Variants in RELN observed in about 807,000 individuals in gnomAD.
RELN encodes reelin.
In RELN, 108 loss-of-function variants were observed where a neutral mutation model predicts 427.6. The ratio of observed to expected loss-of-function variants is 0.25; its 90% CI spans 0.22 to 0.30. The LOEUF is 0.30. Ranked by LOEUF, RELN falls within the 10% of genes least tolerant of loss-of-function variation. The pLI is 1.00. For missense variants in RELN, 3,715 were observed against 4,302.8 expected, an observed-to-expected ratio of 0.86 and a Z score of 3.82; for synonymous variants, 1,524 against 1,513.4, an observed-to-expected ratio of 1.01 and a Z score of -0.16.
At chr7:103,740,960 C>T (rs1450440285) in intron 6 of RELN, among the ~76,000 whole-genome samples, 2 of 152,098 alleles carry the variant, frequency 1.3e-5, no homozygotes, top group East Asian at 1.9e-4. Context: ...ATGCAGCATA[C>T]CCAGGCACTT....
chr7:103,634,804 T>C (rs1220604100), intron 19 of RELN, among the ~76,000 whole-genome samples: 1 of 152,110 alleles, frequency 6.6e-6, no homozygotes, highest in Non-Finnish European at 1.5e-5. Flanking sequence ...AGTGCCATAT[T>C]CTATTCCTGT....
intron 2 of RELN, among the ~76,000 whole-genome samples, chr7:103,888,247 AT>A (rs200280801): frequency 0.26 from 14,038 of 54,612 alleles, 689 homozygotes; most frequent in Non-Finnish European, 0.28. Flanking sequence ...AAAAAAAAAT[AT>A]ATATATATAT....
At chr7:103,806,828 T>G (rs1792612228) in intron 3 of RELN, among the ~76,000 whole-genome samples, 1 of 152,180 alleles carries the variant, frequency 6.6e-6, no homozygotes. Context: ...TCAAGATAGA[T>G]GAAGCCAGGA....
chr7:103,899,215 A>G (rs1795028155), intron 2 of RELN, among the ~76,000 whole-genome samples: 1 of 152,172 alleles, frequency 6.6e-6, no homozygotes, highest in East Asian at 1.9e-4. Context: ...ATTCCTGGAC[A>G]CAAACACCCT....
At chr7:103,930,403 A>T (rs1200634254) in intron 1 of RELN, among the ~76,000 whole-genome samples, 2 of 141,516 alleles carry the variant, frequency 1.4e-5, no homozygotes, top group African/African-American at 5.1e-5. Flanking sequence ...GGACTTCAAT[A>T]TATGAATGGC....
chr7:103,716,201 C>T (rs1789935134), intron 8 of RELN, among the ~76,000 whole-genome samples: 1 of 152,136 alleles, frequency 6.6e-6, no homozygotes, highest in African/African-American at 2.4e-5. Context: ...ATAATGAAGT[C>T]CTCCCTCCAG....
chr7:103,587,046 T>C (rs974147041), intron 28 of RELN, among the ~76,000 whole-genome samples: 4 of 152,182 alleles, frequency 2.6e-5, no homozygotes, highest in African/African-American at 9.6e-5. Context: ...AAAATTCACA[T>C]AGAATCAAAA....
At chr7:103,904,106 T>C (rs1199361978) in intron 2 of RELN, among the ~76,000 whole-genome samples, 1 of 152,100 alleles carries the variant, frequency 6.6e-6, no homozygotes, top group Non-Finnish European at 1.5e-5. Context: ...ACATGCAGTG[T>C]TTGGTTTTCT....
chr7:103,486,343 G>A lies in RELN; in HGVS notation c.9837C>T (p.Thr3279=), dbSNP rs202224350. 1.5e-5 allele frequency: 24 copies of A among 1,614,050 alleles called. No individual in the cohort carries two copies. Among genetic ancestry groups the A allele is most frequent in the Middle Eastern group, 1.7e-4 (1 of 6,060 alleles). ...IKDNFESARV[T]EANWETIQGG... ...CTTGAATGGTCTCCCAGTTTGCCTC[G>A]GTGACTCTTGCGGACTCAAAATTAT... Residue 3279 remains threonine (T), a synonymous_variant, in exon 61 of 65, where the codon ACC becomes ACT. Coordinates refer to ENST00000428762, the MANE Select transcript of RELN (RefSeq NM_005045.4).
chr7:103,726,071 T>C (rs1295612609), intron 7 of RELN, among the ~76,000 whole-genome samples: 4 of 152,212 alleles, frequency 2.6e-5, no homozygotes, highest in African/African-American at 9.6e-5. Context: ...TTTCATTAGT[T>C]CTCATGCACA....
chr7:103,989,615 TGCGCCGCCGCCGC>T lies in RELN; in HGVS notation c.-272_-260del. 1 of 313,330 alleles carries T rather than the reference TGCGCCGCCGCCGC, an allele frequency of 3.2e-6. No homozygotes were observed. The highest frequency in any genetic ancestry group is 5.6e-6 in the Non-Finnish European group (1 of 178,852). The allele number at this position is 313,330 out of a possible 1,614,324, so 19.4% of individuals were successfully genotyped here. On this transcript the variant is annotated 5_prime_UTR_variant, in exon 1 of 65. Transcript: ENST00000428762. This position sits in a 1 kb window ranked among gnomAD's most constrained non-coding sequence, Gnocchi z 4.9. ...GAGAGCGCGTCGTCTGCCGCCTCCG[TGCGCCGCCGCCGC>T]CTCTGCGCGACGCCCCTCGGCCAGG... is the stretch of plus-strand genomic sequence containing the variant.
At chr7:103,882,198 A>G (rs1309958394) in intron 2 of RELN, among the ~76,000 whole-genome samples, 1 of 152,220 alleles carries the variant, frequency 6.6e-6, no homozygotes, top group South Asian at 2.1e-4. Context: ...CAACTTTCCA[A>G]TCTAAATCTC....
intron 8 of RELN, among the ~76,000 whole-genome samples, chr7:103,705,251 T>C (rs1834175574): frequency 6.6e-6 from 1 of 152,194 alleles, no homozygotes; most frequent in Admixed American, 6.5e-5. Flanking sequence ...AATGGGCATA[T>C]CAATCTTAGT....
At chr7:103,497,455 A>G (rs1828875776) in intron 55 of RELN, among the ~76,000 whole-genome samples, 1 of 152,180 alleles carries the variant, frequency 6.6e-6, no homozygotes, top group African/African-American at 2.4e-5. Context: ...AGCATTTATT[A>G]CATGCTTATT....
At chr7:103,696,465 A>G (rs773416916) in intron 10 of RELN, among the ~76,000 whole-genome samples, 3 of 152,116 alleles carry the variant, frequency 2.0e-5, no homozygotes, top group Non-Finnish European at 2.9e-5. Flanking sequence ...ATCAAAATTG[A>G]TATGTCCAAA....
At chr7:103,755,544 C>G (rs1291972634) in intron 4 of RELN, among the ~76,000 whole-genome samples, 5 of 150,904 alleles carry the variant, frequency 3.3e-5, no homozygotes, top group Non-Finnish European at 5.9e-5. Context: ...GGAGGCGGAG[C>G]TTGCAGTGAG....
At chr7:103,523,272 GA>G (rs1288945763) in intron 47 of RELN, 118 bp downstream of exon 47, 20 of 1,174,552 alleles carry the variant, frequency 1.7e-5, no homozygotes, top group African/African-American at 1.2e-4. Flanking sequence ...TCATATTTCA[GA>G]AAAAAATGTA....
intron 4 of RELN, 25 bp downstream of exon 4, chr7:103,776,532 C>A: frequency 6.2e-7 from 1 of 1,613,278 alleles, no homozygotes; most frequent in South Asian, 1.1e-5. Context: ...GGACATAACA[C>A]AAACAAATCA....
At chr7:103,575,430 C>T in intron 29 of RELN, 118 bp downstream of exon 29, 3 of 1,215,998 alleles carry the variant, frequency 2.5e-6, no homozygotes, top group Admixed American at 1.8e-5. Flanking sequence ...TCCTACAATT[C>T]CTAGACTTAA....
Sources: allele counts gnomAD v4.1 joint callset (sites outside exome capture counted in the v4.1 genomes callset), GRCh38; gene constraint gnomAD v4.1.1; non-coding constraint Gnocchi (gnomAD v3.1); transcripts MANE v1.5; gene names NCBI Gene and HGNC (gene_info 2026-07-23, HGNC 2026-07-21).